The following STRIP1 variants were observed in gnomAD, a reference collection of about 807,000 sequenced individuals.
STRIP1 encodes the protein striatin-interacting protein 1.
Under a neutral mutation model 106.2 loss-of-function variants are expected in STRIP1, and 63 were observed. The observed-to-expected ratio is 0.59, with a 90% confidence interval of 0.48 to 0.73. The LOEUF is 0.73. Ranked by LOEUF, STRIP1 falls within the 30% of genes least tolerant of loss-of-function variation. The pLI, the probability that STRIP1 is intolerant of heterozygous loss-of-function variation, is 0.00. For missense variants in STRIP1, 857 were observed against 1,074.8 expected (o/e 0.80, Z 2.83); for synonymous variants, 390 against 413.0 (o/e 0.94, Z 0.67).
chr1:110,039,266 G>T lies in STRIP1; in HGVS notation c.420G>T (p.Lys140Asn). 16 of 1,614,228 alleles carry T rather than the reference G, an allele frequency of 9.9e-6. No homozygotes were observed. Among genetic ancestry groups the T allele is most frequent in the Non-Finnish European group, 1.4e-5 (16 of 1,180,040 alleles). Residue 140 changes from lysine to asparagine, a missense_variant, in exon 4 of 21, where the codon AAG (lysine) becomes AAT (asparagine). Lys to Asn is a moderately conservative substitution (Grantham distance 94). Coordinates refer to ENST00000369795, the MANE Select transcript of STRIP1 (RefSeq NM_033088.4). ...GCTTGGAAGTCACTGCCAGGGAGAAGAGACTCAAGGTGGCTCGAGCAATTC... is the reference window on the plus strand; with the variant it reads ...GCTTGGAAGTCACTGCCAGGGAGAATAGACTCAAGGTGGCTCGAGCAATTC... ...LDGLEVTARE[K>N]RLKVARAILY...
At chr1:110,041,696 G>C in intron 7 of STRIP1, 38 bp from the exon 8 acceptor site, 1 of 1,614,144 alleles carries the variant, frequency 6.2e-7, no homozygotes, top group Non-Finnish European at 8.5e-7. Flanking sequence ...GAGGCGGAAG[G>C]CTTTGGGAGG....
intron 20 of STRIP1, 78 bp downstream of exon 20, chr1:110,051,965 C>G (rs1653323427): frequency 6.9e-7 from 1 of 1,456,292 alleles, no homozygotes; most frequent in African/African-American, 1.4e-5. Context: ...GCCCGTGGTA[C>G]TCAGGTACTT....
Position 110,043,085 on chromosome 1 carries a change from C to A in STRIP1, c.886-3C>A, listed in dbSNP as rs1319959364. On this transcript the variant is annotated splice_polypyrimidine_tract_variant and splice_region_variant and intron_variant, in intron 8 of 20. Transcript: ENST00000369795. ...TGGCTCTGCTTCCCTGTCTGTGATG[C>A]AGTGCACGCTAGGCGGCTTTGAGGA... is the stretch of plus-strand genomic sequence containing the variant. The A allele has an allele frequency of 6.2e-7, 1 of 1,608,270 alleles. No individual in the cohort carries two copies. The highest frequency in any genetic ancestry group is 1.3e-5 in the African/African-American group (1 of 74,842).
rs1653417944 is a variant in STRIP1, at chr1:110,053,895, G to A, written c.2497G>A (p.Glu833Lys). 1.2e-6 allele frequency: 2 copies of A among 1,613,996 alleles called. No homozygotes were observed. The highest frequency in any genetic ancestry group is 1.7e-6 in the Non-Finnish European group (2 of 1,180,020). ...REVFSKPISW[E>K]ELLQ ...GGTCTTCTCCAAGCCCATTTCCTGG[G>A]AAGAGCTGCTGCAGTGAGGCTGTTG... is the stretch of plus-strand genomic sequence containing the variant. Residue 833 changes from glutamate (E) to lysine (K), a missense_variant, in exon 21 of 21, where the codon GAA becomes AAA. Around this residue, in one of 2 missense-constraint regions of STRIP1, gnomAD observed 750 missense variants for 989.8 expected, o/e 0.76. Transcript: ENST00000369795.
chr1:110,036,189 A>T (rs534320850), intron 1 of STRIP1, among the ~76,000 whole-genome samples: 2 of 152,358 alleles, frequency 1.3e-5, no homozygotes, highest in African/African-American at 4.8e-5. Flanking sequence ...GCAGTGGCTC[A>T]CGCCTGTAAT....
Position 110,054,101 on chromosome 1 carries a change from TCCGAAG to T in STRIP1, c.*191_*196del, listed in dbSNP as rs1330956989. The T allele has an allele frequency of 1.6e-6, 1 of 612,346 alleles. No homozygotes were observed. Among genetic ancestry groups the T allele is most frequent in the African/African-American group, 1.8e-5 (1 of 54,296 alleles). 37.9% of individuals were successfully genotyped at this position (612,346 alleles called of 1,614,324 possible). A position where few individuals can be genotyped will look rare whatever the true frequency, so the allele number is the denominator to read the frequency against. On this transcript the variant is annotated 3_prime_UTR_variant, in exon 21 of 21. Transcript: ENST00000369795. Reference sequence around the variant, plus strand: ...CTCCCCTTGGTTCCCAGGGTCCTGCTCCGAAGCAGTCATCTCTGCCTGAGATCCATT... The same window carrying T: ...CTCCCCTTGGTTCCCAGGGTCCTGCTCAGTCATCTCTGCCTGAGATCCATT...
At chr1:110,049,762 G>A in intron 17 of STRIP1, 2 of 550,626 alleles carry the variant, frequency 3.6e-6, no homozygotes, top group Admixed American at 3.4e-5. Flanking sequence ...CCTGCCCCAG[G>A]TGACTTGGTC....
Position 110,047,801 on chromosome 1 carries a change from A to G in STRIP1, c.1593A>G (p.Ala531=). 6.4e-7 allele frequency: 1 copy of G among 1,571,254 alleles called. No individual in the cohort carries two copies. The highest frequency in any genetic ancestry group is 8.6e-7 in the Non-Finnish European group (1 of 1,156,970). Reference sequence around the variant, plus strand: ...CCCTCCTGAAGATCCTGTTGGCTGCAGCACCCACCTCAAAAGCCAAAACAG... The same window carrying G: ...CCCTCCTGAAGATCCTGTTGGCTGCGGCACCCACCTCAAAAGCCAAAACAG... ...MIALLKILLA[A]APTSKAKTDS... Residue 531 remains alanine (A), a synonymous_variant, in exon 15 of 21, where the codon GCA becomes GCG. Coordinates refer to ENST00000369795, the MANE Select transcript of STRIP1 (RefSeq NM_033088.4).
At chr1:110,038,542 T>G in intron 2 of STRIP1, 141 bp from the exon 3 acceptor site, 1 of 638,508 alleles carries the variant, frequency 1.6e-6, no homozygotes, top group Non-Finnish European at 2.8e-6. Context: ...CCCTTCATAA[T>G]TAGAGAGCTT....
At position 110,037,925 on chromosome 1, in the gene STRIP1, A is replaced by G; in HGVS notation, c.215A>G (p.Tyr72Cys). ...GAGTCACCAGACCTGGAGTTTGAGT[A>G]TGCTGACACAGACAAGTGGGCTGCA... is the stretch of plus-strand genomic sequence containing the variant. ...YSESPDLEFE[Y>C]ADTDKWAAEL... The change falls in exon 2 of 21, where the codon TAT becomes TGT. Residue 72 changes from tyrosine (Y) to cysteine (C), a missense_variant. Physicochemically the swap from Tyr to Cys is radical, Grantham distance 194 (BLOSUM62 -2). Around this residue, in one of 2 missense-constraint regions of STRIP1, gnomAD observed 750 missense variants for 989.8 expected, o/e 0.76. Coordinates refer to ENST00000369795, the MANE Select transcript of STRIP1 (RefSeq NM_033088.4). 6.2e-7 allele frequency: 1 copy of G among 1,612,920 alleles called. No individual in the cohort carries two copies. The highest frequency in any genetic ancestry group is 8.5e-7 in the Non-Finnish European group (1 of 1,179,200).
At chr1:110,034,607 C>G (rs192260434), upstream of STRIP1, 192 of 1,479,546 alleles carry the variant, frequency 1.3e-4, 1 homozygote, top group African/African-American at 2.7e-3. Flanking sequence ...CGGCTGTGCG[C>G]GAGTTAAGCT....
intron 3 of STRIP1, among the ~76,000 whole-genome samples, 162 bp downstream of exon 3, chr1:110,038,919 A>G (rs143640186): frequency 2.6e-5 from 4 of 152,258 alleles, no homozygotes; most frequent in African/African-American, 9.6e-5. Context: ...GGCTTGTGGC[A>G]CATCGGTGGG....
At position 110,053,849 on chromosome 1, in the gene STRIP1, T is replaced by C. The variant is rs758536075; in HGVS notation, c.2451T>C (p.Tyr817=). Residue 817 remains tyrosine, a synonymous_variant, in exon 21 of 21, where the codon TAT becomes TAC. Transcript: ENST00000369795. Reference sequence around the variant, plus strand: ...TCCCTGAGGACTTTCAGATGAACTATGACCTCTGGTTAGAAAGGGAGGTCT... The same window carrying C: ...TCCCTGAGGACTTTCAGATGAACTACGACCTCTGGTTAGAAAGGGAGGTCT... ...VDLPEDFQMN[Y]DLWLEREVFS... is the part of the protein sequence containing the mutation. 1.2e-6 allele frequency: 2 copies of C among 1,614,176 alleles called. No homozygotes were observed. Among genetic ancestry groups the C allele is most frequent in the Non-Finnish European group, 1.7e-6 (2 of 1,180,018 alleles).
intron 10 of STRIP1, 24 bp from the exon 11 acceptor site, chr1:110,044,815 TC>T (rs1652939050): frequency 6.3e-7 from 1 of 1,585,942 alleles, no homozygotes; most frequent in African/African-American, 1.5e-5. Context: ...CTTTTTTCTT[TC>T]TCTCTTTTTT....
chr1:110,039,879 T>G (rs1389365517), intron 5 of STRIP1: 1 of 1,296,206 alleles, frequency 7.7e-7, no homozygotes, highest in South Asian at 1.2e-5. Context: ...GGCACAAGAC[T>G]GACATATGGG....
chr1:110,045,281 C>T, intron 12 of STRIP1: 1 of 563,594 alleles, frequency 1.8e-6, no homozygotes, highest in East Asian at 3.0e-5. Flanking sequence ...TTTAGCTGAG[C>T]TTTTGTTTGG....
rs1436136206 is a variant in STRIP1, at chr1:110,041,594, G to A, written c.709G>A (p.Asp237Asn). The A allele has an allele frequency of 1.2e-5, 19 of 1,614,130 alleles. No homozygotes were observed. The highest frequency in any genetic ancestry group is 1.6e-5 in the Non-Finnish European group (19 of 1,180,014). Reference sequence around the variant, plus strand: ...GACCGTTCATCAGGAGTGTGAGGGTGACAAGGCTGAGTGGAGGACCATGCG... The same window carrying A: ...GACCGTTCATCAGGAGTGTGAGGGTAACAAGGCTGAGTGGAGGACCATGCG... The part of the protein sequence containing the change: ...VETVHQECEG[D>N]KAEWRTMRQT... Residue 237 changes from aspartate to asparagine, a missense_variant, in exon 7 of 21, where the codon GAC (aspartate) becomes AAC (asparagine). This residue lies in a region of STRIP1 where 750 missense variants were observed against 989.8 expected (regional missense o/e 0.76). Coordinates refer to ENST00000369795, the MANE Select transcript of STRIP1 (RefSeq NM_033088.4).
intron 10 of STRIP1, among the ~76,000 whole-genome samples, chr1:110,044,282 G>A (rs1241504172): frequency 1.3e-5 from 2 of 152,186 alleles, no homozygotes; most frequent in African/African-American, 2.4e-5. Flanking sequence ...TGGATGGGAC[G>A]GTACCTGGAG....
chr1:110,043,870 C>G lies in STRIP1; in HGVS notation c.1286+14C>G, dbSNP rs756292131. The G allele has an allele frequency of 5.0e-6, 8 of 1,608,690 alleles. No homozygotes were observed. In the South Asian group the frequency reaches 5.5e-5, roughly 11 times the overall value. The stretch of plus-strand genomic sequence containing the variant: ...TCCCAAGGTCAGGTGAGTCTCAGAC[C>G]TCCAGAGCACTCATAGTTCCTGAGG... On this transcript the variant is annotated intron_variant, in intron 10 of 20. Transcript: ENST00000369795.
Sources: gnomAD v4.1 joint callset for allele counts (sites outside exome capture counted in the v4.1 genomes callset) on GRCh38, gnomAD v4.1.1 for gene constraint, gnomAD v4.1.1 regional missense constraint, MANE v1.5 for transcripts, NCBI Gene and HGNC (gene_info 2026-07-23, HGNC 2026-07-21) for gene names.